The following NELL1 variants were observed in gnomAD, a reference collection of about 807,000 sequenced individuals.
NELL1 encodes protein kinase C-binding protein NELL1.
A neutral mutation model predicts 107.4 loss-of-function variants in NELL1; 76 were observed. That is an observed-to-expected ratio of 0.71 (90% CI 0.59 to 0.86). NELL1 has a LOEUF of 0.86. Ranked by LOEUF, NELL1 falls within the 40% of genes least tolerant of loss-of-function variation. The pLI, the probability that NELL1 is intolerant of heterozygous loss-of-function variation, is 0.00. For missense variants in NELL1, 1,024 were observed against 1,005.5 expected (o/e 1.02, Z -0.25); for synonymous variants, 353 against 341.2 (o/e 1.03, Z -0.38).
At chr11:20,687,145 G>A (rs1038983511) in intron 2 of NELL1, among the ~76,000 whole-genome samples, 9 of 150,748 alleles carry the variant, frequency 6.0e-5, no homozygotes, top group African/African-American at 2.2e-4. Context: ...ACTAGTATAT[G>A]AGTTTTGTCT....
At chr11:21,257,116 T>A (rs1236803770) in intron 14 of NELL1, among the ~76,000 whole-genome samples, 2 of 151,966 alleles carry the variant, frequency 1.3e-5, no homozygotes, top group Non-Finnish European at 1.5e-5. Context: ...CAGGTGTGTG[T>A]CAAAATGGTA....
At chr11:20,933,575 T>C (rs564975379) in intron 9 of NELL1, among the ~76,000 whole-genome samples, 1 of 152,280 alleles carries the variant, frequency 6.6e-6, no homozygotes, top group African/African-American at 2.4e-5. Context: ...GGGTGTTCAG[T>C]CTCTCTGATC....
rs1052941048 is a variant in NELL1, at chr11:20,669,625, C to T, written c.-99C>T. 9.6e-7 allele frequency: 1 copy of T among 1,037,516 alleles called. No homozygotes were observed. Among genetic ancestry groups the T allele is most frequent in the South Asian group, 1.4e-5 (1 of 72,828 alleles). The allele number at this position is 1,037,516 out of a possible 1,614,324, so 64.3% of individuals were successfully genotyped here. On this transcript the variant is annotated 5_prime_UTR_variant, in exon 1 of 20. Coordinates refer to ENST00000357134, the MANE Select transcript of NELL1 (RefSeq NM_006157.5). This position sits in a 1 kb window ranked among gnomAD's most constrained non-coding sequence, Gnocchi z 4.4. ...AGCCACCTCCCCCGCCGCCCGCTAG[C>T]AAGTTTGGCGGCTCCAAGCCAGGCG...
intron 3 of NELL1, among the ~76,000 whole-genome samples, chr11:20,810,652 A>G (rs575343255): frequency 6.6e-6 from 1 of 152,140 alleles, no homozygotes; most frequent in African/African-American, 2.4e-5. Context: ...TGATTTTGCA[A>G]TTGCTAATTG....
chr11:20,679,485 C>T (rs1405079065), intron 2 of NELL1, among the ~76,000 whole-genome samples: 2 of 152,138 alleles, frequency 1.3e-5, no homozygotes, highest in Admixed American at 1.3e-4. Flanking sequence ...TGTAGCAAAT[C>T]TAGAGTTATT....
In NELL1 at chr11:21,520,923, A is replaced by C. The variant is rs77961952; in HGVS notation, c.1646-13451A>C. Among the ~76,000 whole-genome samples the C allele has an allele frequency of 5.7e-4, 87 of 152,358 alleles. 1 individual carries two copies. The East Asian group carries it at 0.016, about 29-fold the overall frequency. On this transcript the variant is annotated intron_variant, in intron 15 of 19. Transcript: ENST00000357134. ...AATTTAAAAATAAATGCATCTGGCT[A>C]TCCTGCCTCAGGGCAAATTTAGAAA...
intron 13 of NELL1, among the ~76,000 whole-genome samples, chr11:21,216,876 G>A (rs1230363257): frequency 6.6e-6 from 1 of 152,156 alleles, no homozygotes; most frequent in Non-Finnish European, 1.5e-5. Flanking sequence ...GGGACTGTTG[G>A]CAAGGCATGA....
chr11:20,939,918 A>G (rs891221910), intron 10 of NELL1, among the ~76,000 whole-genome samples: 2 of 152,124 alleles, frequency 1.3e-5, no homozygotes, highest in Non-Finnish European at 2.9e-5. Flanking sequence ...TTAGTATTTT[A>G]GGATTATTTC....
chr11:21,132,234 C>A (rs1015862031), intron 13 of NELL1, among the ~76,000 whole-genome samples: 61 of 151,972 alleles, frequency 4.0e-4, no homozygotes, highest in African/African-American at 1.5e-3. Context: ...TGTATATGCA[C>A]GCGTGCACAC....
At chr11:20,752,682 G>A (rs1424996100) in intron 2 of NELL1, among the ~76,000 whole-genome samples, 2 of 151,938 alleles carry the variant, frequency 1.3e-5, no homozygotes, top group Middle Eastern at 3.2e-3. Flanking sequence ...TCAACAGTAG[G>A]AGCTGTAAGA....
intron 4 of NELL1, among the ~76,000 whole-genome samples, chr11:20,877,551 G>T (rs1283914225): frequency 6.6e-6 from 1 of 152,164 alleles, no homozygotes; most frequent in Non-Finnish European, 1.5e-5. Context: ...GTTCTTCACA[G>T]AATATAGACT....
At chr11:21,117,006 C>T (rs1590652445) in intron 13 of NELL1, among the ~76,000 whole-genome samples, 1 of 151,958 alleles carries the variant, frequency 6.6e-6, no homozygotes, top group East Asian at 1.9e-4. Flanking sequence ...TGTCTTTTAC[C>T]GTTTCTTTCC....
At chr11:21,352,806 A>C (rs555543269) in intron 14 of NELL1, among the ~76,000 whole-genome samples, 1 of 152,294 alleles carries the variant, frequency 6.6e-6, no homozygotes, top group South Asian at 2.1e-4. Context: ...CTTGAGGCCC[A>C]AATGTTATTA....
chr11:21,544,067 A>G (rs1346872643), intron 16 of NELL1, among the ~76,000 whole-genome samples: 1 of 152,004 alleles, frequency 6.6e-6, no homozygotes, highest in Non-Finnish European at 1.5e-5. Flanking sequence ...TCATAAAGAA[A>G]AAGAAAAAAA....
At chr11:21,433,315 T>C (rs1853016980) in intron 15 of NELL1, among the ~76,000 whole-genome samples, 2 of 152,232 alleles carry the variant, frequency 1.3e-5, no homozygotes, top group African/African-American at 2.4e-5. Context: ...ATGGTGGCTA[T>C]TGTAAATAGT....
intron 14 of NELL1, among the ~76,000 whole-genome samples, chr11:21,263,756 T>C (rs1352573652): frequency 6.6e-6 from 1 of 151,886 alleles, no homozygotes; most frequent in African/African-American, 2.4e-5. Context: ...CAAAACAAAT[T>C]GTTTCTTGGC....
chr11:20,726,383 C>G (rs574734403), intron 2 of NELL1, among the ~76,000 whole-genome samples: 1 of 152,226 alleles, frequency 6.6e-6, no homozygotes, highest in East Asian at 1.9e-4. Context: ...GTGAATACAA[C>G]TGTATAGTCA....
At chr11:20,831,338 A>G (rs914461802) in intron 3 of NELL1, among the ~76,000 whole-genome samples, 4 of 152,166 alleles carry the variant, frequency 2.6e-5, no homozygotes, top group Non-Finnish European at 5.9e-5. Context: ...CTGCATTTTG[A>G]CAAGTTGACT....
chr11:20,955,096 C>T (rs1037317438), intron 11 of NELL1, among the ~76,000 whole-genome samples: 22 of 152,178 alleles, frequency 1.4e-4, no homozygotes, highest in African/African-American at 5.1e-4. Context: ...AGTCCAGGCT[C>T]CTCCTCTGGA....
Sources: allele counts gnomAD v4.1 joint callset (sites outside exome capture counted in the v4.1 genomes callset), GRCh38; gene constraint gnomAD v4.1.1; non-coding constraint Gnocchi (gnomAD v3.1); transcripts MANE v1.5; gene names NCBI Gene and HGNC (gene_info 2026-07-23, HGNC 2026-07-21).